Variants in PSD3 observed in about 807,000 individuals in gnomAD.
PSD3 encodes PH and SEC7 domain-containing protein 3.
Under a neutral mutation model 105.5 loss-of-function variants are expected in PSD3, and 49 were observed. That is an observed-to-expected ratio of 0.46 (90% CI 0.37 to 0.59). PSD3 has a LOEUF of 0.59. Among genes scored for constraint, PSD3 ranks in the 20% least tolerant of loss-of-function variants. PSD3 has a pLI of 0.00. For synonymous variants in PSD3, 557 were observed against 457.8 expected (o/e 1.22, Z -2.77); for missense variants, 1,561 against 1,263.8 (o/e 1.24, Z -3.57).
chr8:18,780,002 C>T (rs765092198), intron 8 of PSD3, among the ~76,000 whole-genome samples: 3 of 152,136 alleles, frequency 2.0e-5, no homozygotes, highest in Non-Finnish European at 4.4e-5. Flanking sequence ...ATGATCAGTC[C>T]AAGGCTGAGA....
At chr8:19,058,976 A>C (rs560651501) in intron 1 of PSD3, among the ~76,000 whole-genome samples, 5 of 152,212 alleles carry the variant, frequency 3.3e-5, no homozygotes, top group Admixed American at 6.5e-5. Flanking sequence ...AGAGCTACCC[A>C]ACCTGAAGAG....
intron 2 of PSD3, among the ~76,000 whole-genome samples, chr8:18,913,560 C>T (rs180885135): frequency 2.8e-3 from 426 of 151,740 alleles, no homozygotes; most frequent in African/African-American, 9.9e-3. Flanking sequence ...CTCTACAGAA[C>T]CAAGGATCCA....
chr8:18,977,067 C>T (rs1291200345), intron 1 of PSD3, among the ~76,000 whole-genome samples: 1 of 151,982 alleles, frequency 6.6e-6, no homozygotes, highest in Non-Finnish European at 1.5e-5. Context: ...GGAGACCAGG[C>T]TGGCCAACAT....
chr8:18,674,662 G>A (rs1799971778), intron 9 of PSD3, among the ~76,000 whole-genome samples: 1 of 152,168 alleles, frequency 6.6e-6, no homozygotes, highest in African/African-American at 2.4e-5. Flanking sequence ...ACCATAGTAA[G>A]AGTATTCCAA....
At chr8:18,864,062 A>G (rs1420462273) in intron 4 of PSD3, among the ~76,000 whole-genome samples, 1 of 152,274 alleles carries the variant, frequency 6.6e-6, no homozygotes, top group African/African-American at 2.4e-5. Flanking sequence ...TTTAATGACA[A>G]AGTAAAGACA....
chr8:18,558,651 T>C (rs1801219856), intron 14 of PSD3, among the ~76,000 whole-genome samples: 1 of 152,068 alleles, frequency 6.6e-6, no homozygotes, highest in South Asian at 2.1e-4. Context: ...TGAAACCCTG[T>C]CTCTACTAAA....
chr8:18,831,110 T>A (rs144516559), intron 4 of PSD3, among the ~76,000 whole-genome samples: 50 of 129,974 alleles, frequency 3.8e-4, no homozygotes, highest in African/African-American at 2.0e-3. Context: ...TGCCCATCTA[T>A]AAAATGGGGT....
At chr8:18,544,046 C>G (rs533775117) in intron 15 of PSD3, among the ~76,000 whole-genome samples, 1 of 152,072 alleles carries the variant, frequency 6.6e-6, no homozygotes, top group Non-Finnish European at 1.5e-5. Flanking sequence ...CCTTACATTT[C>G]GTTTTCTCAT....
chr8:18,574,638 T>C lies in PSD3; in HGVS notation c.2639+490A>G, dbSNP rs1802361778. On this transcript the variant is annotated intron_variant, in intron 13 of 15. Transcript: ENST00000327040. The stretch of plus-strand genomic sequence containing the variant: ...ACAAAAAAATAAACATTTACATTTA[T>C]TGAACAGTTCCTATGTGCCAGGCAC... Among the ~76,000 whole-genome samples, 8 of 152,310 alleles carry C rather than the reference T, an allele frequency of 5.3e-5. No homozygotes were observed. In the South Asian group the frequency reaches 1.7e-3, roughly 32 times the overall value.
chr8:19,000,507 A>T (rs1348445741), intron 1 of PSD3: 1 of 86,114 alleles, frequency 1.2e-5, no homozygotes, highest in Non-Finnish European at 2.5e-5. Context: ...GCCTTTATCT[A>T]CTTCTATCAG....
chr8:18,875,606 G>T (rs909687190), intron 2 of PSD3, among the ~76,000 whole-genome samples: 1 of 151,518 alleles, frequency 6.6e-6, no homozygotes. Context: ...GCGCGATCTC[G>T]GCTCACTGCA....
chr8:19,019,172 C>T (rs981251269), intron 1 of PSD3, among the ~76,000 whole-genome samples: 16 of 152,088 alleles, frequency 1.1e-4, no homozygotes, highest in Non-Finnish European at 1.5e-5. Context: ...GCAAAAAAAA[C>T]AGAGATGGAA....
intron 1 of PSD3, among the ~76,000 whole-genome samples, chr8:18,997,607 C>T (rs577405514): frequency 3.3e-5 from 5 of 152,148 alleles, no homozygotes; most frequent in South Asian, 2.1e-4. Context: ...CAGTCCAAAC[C>T]GAAGCCCTTG....
intron 1 of PSD3, among the ~76,000 whole-genome samples, chr8:19,049,863 T>C (rs923335706): frequency 6.6e-6 from 1 of 152,136 alleles, no homozygotes; most frequent in South Asian, 2.1e-4. Flanking sequence ...ATTCCCTGAC[T>C]GGAATCCCAT....
At chr8:18,972,591 A>T (rs1206989337) in intron 1 of PSD3, among the ~76,000 whole-genome samples, 1 of 152,230 alleles carries the variant, frequency 6.6e-6, no homozygotes, top group Non-Finnish European at 1.5e-5. Context: ...CCCTAATCCC[A>T]GTATGATGGT....
intron 1 of PSD3, among the ~76,000 whole-genome samples, chr8:18,999,175 T>A (rs1826238265): frequency 6.6e-6 from 1 of 151,950 alleles, no homozygotes; most frequent in Admixed American, 6.6e-5. Context: ...ATAACCCTTT[T>A]CATTCCTTAG....
chr8:19,025,184 C>T (rs1327260591), intron 1 of PSD3, among the ~76,000 whole-genome samples: 1 of 138,234 alleles, frequency 7.2e-6, no homozygotes, highest in African/African-American at 2.5e-5. Context: ...GATCTCATTA[C>T]ACACTCATTA....
At chr8:18,682,832 C>A (rs968296577) in intron 9 of PSD3, among the ~76,000 whole-genome samples, 78 of 152,098 alleles carry the variant, frequency 5.1e-4, no homozygotes, top group African/African-American at 1.9e-3. Context: ...GTGAAGAAAG[C>A]CTGATGTCAC....
At chr8:18,901,399 T>A (rs1819493618) in intron 2 of PSD3, among the ~76,000 whole-genome samples, 1 of 152,210 alleles carries the variant, frequency 6.6e-6, no homozygotes, top group African/African-American at 2.4e-5. Flanking sequence ...ATCTTTTAAG[T>A]GGAGAATTTA....
Sources: allele counts gnomAD v4.1 joint callset (sites outside exome capture counted in the v4.1 genomes callset), GRCh38; gene constraint gnomAD v4.1.1; transcripts MANE v1.5; gene names NCBI Gene and HGNC (gene_info 2026-07-23, HGNC 2026-07-21).